The following AFF4 variants were observed in gnomAD, a reference collection of about 807,000 sequenced individuals.
AFF4 encodes the protein AF4/FMR2 family member 4.
AFF4 carries 13 observed loss-of-function variants against 124.8 expected under a neutral mutation model. The ratio of observed to expected loss-of-function variants is 0.10; its 90% CI spans 0.07 to 0.17. AFF4 has a LOEUF of 0.17. Among genes scored for constraint, AFF4 ranks in the 10% least tolerant of loss-of-function variants. The pLI is 1.00. For synonymous variants in AFF4, 477 were observed against 496.1 expected (o/e 0.96, Z 0.51); for missense variants, 1,092 against 1,403.8 (o/e 0.78, Z 3.55).
At chr5:132,960,672 C>T (rs551694262) in intron 1 of AFF4, among the ~76,000 whole-genome samples, 54 of 152,296 alleles carry the variant, frequency 3.5e-4, no homozygotes, top group Middle Eastern at 3.4e-3. Flanking sequence ...GCTTTCTTTA[C>T]ATTACCTTTT....
At chr5:132,903,496 G>C (rs942993666) in intron 6 of AFF4, among the ~76,000 whole-genome samples, 1 of 152,142 alleles carries the variant, frequency 6.6e-6, no homozygotes, top group Non-Finnish European at 1.5e-5. Flanking sequence ...ATACGGTAAA[G>C]CCCAGACATT....
At chr5:132,936,994 T>G (rs1761447508) in intron 2 of AFF4, 73 bp downstream of exon 2, 2 of 1,524,790 alleles carry the variant, frequency 1.3e-6, no homozygotes, top group Admixed American at 2.0e-5. Flanking sequence ...ATATAAACAT[T>G]CAAGTGTGAA....
intron 1 of AFF4, among the ~76,000 whole-genome samples, chr5:132,959,369 C>T (rs984671063): frequency 6.6e-6 from 1 of 152,094 alleles, no homozygotes; most frequent in African/African-American, 2.4e-5. Flanking sequence ...ATCCGCCCAC[C>T]TTGGCCTCCC....
At chr5:132,944,704 C>A (rs866449442) in intron 1 of AFF4, among the ~76,000 whole-genome samples, 1 of 151,744 alleles carries the variant, frequency 6.6e-6, no homozygotes, top group Non-Finnish European at 1.5e-5. Context: ...CTGAGGCAGG[C>A]GGACAACCTG....
At chr5:132,941,942 G>A (rs1761578566) in intron 1 of AFF4, among the ~76,000 whole-genome samples, 1 of 151,620 alleles carries the variant, frequency 6.6e-6, no homozygotes, top group Admixed American at 6.6e-5. Flanking sequence ...AGGAGGCAGA[G>A]GTTGCAGTGA....
intron 1 of AFF4, among the ~76,000 whole-genome samples, chr5:132,962,819 TTGCGGGG>T (rs1384267723): frequency 6.6e-6 from 1 of 150,706 alleles, no homozygotes; most frequent in African/African-American, 2.4e-5. Context: ...TTTTTTTTTT[TTGCGGGG>T]GTGGGGGTGT....
At chr5:132,960,176 C>T (rs1024872032) in intron 1 of AFF4, among the ~76,000 whole-genome samples, 35 of 152,234 alleles carry the variant, frequency 2.3e-4, no homozygotes, top group Admixed American at 2.0e-3. Context: ...AACACCCTCC[C>T]AGAAATCAAA....
chr5:132,881,202 C>CCAT lies in AFF4; in HGVS notation c.3365-17_3365-16insATG, dbSNP rs1463853176. On this transcript the variant is annotated splice_polypyrimidine_tract_variant and intron_variant, in intron 20 of 20. Coordinates refer to ENST00000265343, the MANE Select transcript of AFF4 (RefSeq NM_014423.4). The stretch of plus-strand genomic sequence containing the variant: ...GCAAAGAATTCTAGAAAACCAAAAA[C>CCAT]ATTCATTAAATGATATATACTCTTT... 6.2e-7 allele frequency: 1 copy of CCAT among 1,612,350 alleles called. No homozygotes were observed. The highest frequency in any genetic ancestry group is 1.7e-5 in the Admixed American group (1 of 59,816).
intron 5 of AFF4, among the ~76,000 whole-genome samples, chr5:132,917,866 C>G (rs1220848485): frequency 6.7e-6 from 1 of 148,610 alleles, no homozygotes; most frequent in Non-Finnish European, 1.5e-5. Flanking sequence ...GTGTGTGCCA[C>G]CGCACACAGC....
At position 132,898,369 on chromosome 5, in the gene AFF4, T is replaced by C. The variant is rs752313717; in HGVS notation, c.1250A>G (p.Asn417Ser). 1.9e-6 allele frequency: 3 copies of C among 1,614,028 alleles called. No homozygotes were observed. The highest frequency in any genetic ancestry group is 2.5e-6 in the Non-Finnish European group (3 of 1,180,010). Reference protein sequence around the residue: ...PGSNSEPSHHNSEGADNSRDD... With the variant: ...PGSNSEPSHHSSEGADNSRDD... ...CCTGGAGTTATCTGCTCCTTCACTATTATGGTGTGAAGGTTCAGAGTTACT... is the reference window on the plus strand; with the variant it reads ...CCTGGAGTTATCTGCTCCTTCACTACTATGGTGTGAAGGTTCAGAGTTACT... The change falls in exon 10 of 21, where the codon AAT (asparagine) becomes AGT (serine). Residue 417 changes from asparagine to serine, a missense_variant. By Grantham distance (46) the Asn-to-Ser change is conservative. Transcript: ENST00000265343.
At chr5:132,887,290 T>A (rs562971916) in intron 17 of AFF4, among the ~76,000 whole-genome samples, 1 of 152,302 alleles carries the variant, frequency 6.6e-6, no homozygotes, top group Admixed American at 6.5e-5. Flanking sequence ...GTTTCTACTA[T>A]CAGTCTCACA....
chr5:132,906,330 C>T (rs78478554), intron 5 of AFF4, among the ~76,000 whole-genome samples: 3,206 of 152,206 alleles, frequency 0.021, 86 homozygotes, highest in African/African-American at 0.058. Flanking sequence ...CAATATTATT[C>T]ATAACAGCCA....
At position 132,889,087 on chromosome 5, in the gene AFF4, A is replaced by G. The variant is rs759286799; in HGVS notation, c.2724T>C (p.Phe908=). Residue 908 remains phenylalanine (F), a synonymous_variant, in exon 14 of 21, where the codon TTT becomes TTC. Coordinates refer to ENST00000265343, the MANE Select transcript of AFF4 (RefSeq NM_014423.4). Reference sequence around the variant, plus strand: ...AAATCATATTATCTCACCTGTCATCAAAGACAAGCTTTGTTCTCCGAGGCT... The same window carrying G: ...AAATCATATTATCTCACCTGTCATCGAAGACAAGCTTTGTTCTCCGAGGCT... The part of the protein sequence containing the change: ...SSKPRRTKLV[F]DDRNYSADHY... 5.6e-6 allele frequency: 9 copies of G among 1,611,982 alleles called. No individual in the cohort carries two copies. Among genetic ancestry groups the G allele is most frequent in the Non-Finnish European group, 7.6e-6 (9 of 1,178,166 alleles).
intron 7 of AFF4, among the ~76,000 whole-genome samples, chr5:132,900,130 A>AG (rs1048068207): frequency 3.3e-5 from 5 of 152,254 alleles, no homozygotes; most frequent in Non-Finnish European, 5.9e-5. Context: ...TGTGAAAACC[A>AG]GAACGGTTTC....
intron 16 of AFF4, 67 bp from the exon 17 acceptor site, chr5:132,887,659 G>C (rs1409912187): frequency 1.2e-5 from 18 of 1,539,064 alleles, no homozygotes; most frequent in Non-Finnish European, 1.4e-5. Flanking sequence ...GATTTCACTT[G>C]TCCTCAAAAC....
At chr5:132,947,171 A>C (rs934791197) in intron 1 of AFF4, among the ~76,000 whole-genome samples, 1 of 152,180 alleles carries the variant, frequency 6.6e-6, no homozygotes, top group African/African-American at 2.4e-5. Flanking sequence ...TGGGAGACTG[A>C]GGCAGTGGAT....
At chr5:132,949,035 A>T (rs974141290) in intron 1 of AFF4, among the ~76,000 whole-genome samples, 1 of 152,060 alleles carries the variant, frequency 6.6e-6, no homozygotes, top group African/African-American at 2.4e-5. Flanking sequence ...TGGAATTTAT[A>T]GATTTGAAGA....
At chr5:132,932,733 T>C (rs963575221) in intron 3 of AFF4, among the ~76,000 whole-genome samples, 1 of 152,192 alleles carries the variant, frequency 6.6e-6, no homozygotes, top group Non-Finnish European at 1.5e-5. Context: ...GTTAAACAAG[T>C]ATTACTGAAA....
chr5:132,883,191 A>C, intron 20 of AFF4, 149 bp downstream of exon 20: 2 of 762,154 alleles, frequency 2.6e-6, no homozygotes, highest in Non-Finnish European at 4.1e-6. Flanking sequence ...TTTATTGTTT[A>C]ACTGCTAAGC....
Sources: allele counts gnomAD v4.1 joint callset (sites outside exome capture counted in the v4.1 genomes callset), GRCh38; gene constraint gnomAD v4.1.1; transcripts MANE v1.5; gene names NCBI Gene and HGNC (gene_info 2026-07-23, HGNC 2026-07-21).